ELOVL6: variants seen among roughly 807,000 people sequenced by gnomAD.
ELOVL6 encodes very long chain fatty acid elongase 6.
ELOVL6 carries 8 observed loss-of-function variants against 31.7 expected under a neutral mutation model. The ratio of observed to expected loss-of-function variants is 0.25; its 90% CI spans 0.15 to 0.45. The LOEUF is 0.45. Among genes scored for constraint, ELOVL6 ranks in the 20% least tolerant of loss-of-function variants. The probability of loss-of-function intolerance (pLI) is 1.00; values close to 1 mark genes in which losing one functional copy is unlikely to be tolerated. For missense variants in ELOVL6, 126 were observed against 326.4 expected (o/e 0.39, Z 4.73); for synonymous variants, 101 against 117.7 (o/e 0.86, Z 0.92).
At chr4:110,133,383 A>C (rs1178875257) in intron 1 of ELOVL6, among the ~76,000 whole-genome samples, 1 of 152,218 alleles carries the variant, frequency 6.6e-6, no homozygotes, top group Non-Finnish European at 1.5e-5. Flanking sequence ...GGACAGCCTC[A>C]TCCTACTGTG....
chr4:110,109,685 A>T (rs959698334), intron 1 of ELOVL6, among the ~76,000 whole-genome samples: 1 of 152,216 alleles, frequency 6.6e-6, no homozygotes, highest in African/African-American at 2.4e-5. Flanking sequence ...ATGTTTTTTT[A>T]AACTCGTGGG....
chr4:110,167,685 GTAT>G (rs1758818418), intron 1 of ELOVL6, among the ~76,000 whole-genome samples: 2 of 151,344 alleles, frequency 1.3e-5, no homozygotes, highest in African/African-American at 2.4e-5. Flanking sequence ...ATGTATGTAT[GTAT>G]GTATGTATGT....
At chr4:110,129,076 TAGC>T (rs1175207938) in intron 1 of ELOVL6, among the ~76,000 whole-genome samples, 1 of 152,248 alleles carries the variant, frequency 6.6e-6, no homozygotes, top group African/African-American at 2.4e-5. Context: ...TTGCTTTATG[TAGC>T]AGATTTAGTC....
chr4:110,084,586 A>ATTTTTTTTT (rs1756183730), intron 2 of ELOVL6, among the ~76,000 whole-genome samples: 1 of 39,582 alleles, frequency 2.5e-5, no homozygotes, highest in African/African-American at 1.7e-4. Context: ...ATATATATAT[A>ATTTTTTTTT]TATTTTTTTT....
intron 2 of ELOVL6, among the ~76,000 whole-genome samples, chr4:110,094,389 T>C (rs1247174638): frequency 8.9e-6 from 1 of 112,468 alleles, no homozygotes; most frequent in Non-Finnish European, 1.8e-5. Context: ...TCTGTTTCTA[T>C]TTTACTTAAA....
chr4:110,056,389 T>C (rs930371638), intron 3 of ELOVL6, among the ~76,000 whole-genome samples: 1 of 152,124 alleles, frequency 6.6e-6, no homozygotes, highest in Non-Finnish European at 1.5e-5. Flanking sequence ...CAGGCAAACA[T>C]GTTGACTACA....
intron 1 of ELOVL6, among the ~76,000 whole-genome samples, chr4:110,144,412 A>G (rs1758049827): frequency 6.6e-6 from 1 of 152,240 alleles, no homozygotes. Context: ...ACATAATGTA[A>G]TACTATGCTG....
At chr4:110,076,653 T>G (rs1378564866) in intron 2 of ELOVL6, among the ~76,000 whole-genome samples, 1 of 152,144 alleles carries the variant, frequency 6.6e-6, no homozygotes, top group Non-Finnish European at 1.5e-5. Context: ...CAGCTCCCAG[T>G]GTGAGCAATG....
At chr4:110,090,906 A>G (rs990268339) in intron 2 of ELOVL6, among the ~76,000 whole-genome samples, 1 of 152,122 alleles carries the variant, frequency 6.6e-6, no homozygotes, top group African/African-American at 2.4e-5. Flanking sequence ...CCTGGCCGAG[A>G]GTTTGACTTT....
chr4:110,067,076 A>T (rs1246637173), intron 2 of ELOVL6, among the ~76,000 whole-genome samples: 1 of 152,192 alleles, frequency 6.6e-6, no homozygotes, highest in East Asian at 1.9e-4. Context: ...TAATAAGCCA[A>T]AGTGTAGATT....
intron 2 of ELOVL6, among the ~76,000 whole-genome samples, chr4:110,074,155 A>G (rs1755567011): frequency 6.6e-6 from 1 of 152,198 alleles, no homozygotes; most frequent in African/African-American, 2.4e-5. Context: ...CAGGATACCA[A>G]AATCTGAGGA....
Position 110,196,767 on chromosome 4 carries a change from G to T in ELOVL6, c.89+1480C>A, listed in dbSNP as rs369420878. Among the ~76,000 whole-genome samples the T allele has an allele frequency of 4.5e-4, 68 of 152,064 alleles. No individual in the cohort carries two copies. In the East Asian group the frequency reaches 0.012, roughly 28 times the overall value. On this transcript the variant is annotated intron_variant, in intron 1 of 3. Coordinates refer to ENST00000302274, the MANE Select transcript of ELOVL6 (RefSeq NM_024090.3). ...CCACGCCGCAGCTCACCCCAAGCAGGCCTGCCCCGCCGGTGCGCGCGGCCC... is the reference window on the plus strand; with the variant it reads ...CCACGCCGCAGCTCACCCCAAGCAGTCCTGCCCCGCCGGTGCGCGCGGCCC...
rs73841817 is a variant in ELOVL6, at chr4:110,138,057, G to A, written c.90-32429C>T. Among the ~76,000 whole-genome samples the A allele has an allele frequency of 2.4e-3, 368 of 152,324 alleles. 2 individuals carry two copies. Among genetic ancestry groups the A allele is most frequent in the African/African-American group, 8.0e-3 (332 of 41,572 alleles). On this transcript the variant is annotated intron_variant, in intron 1 of 3. Transcript: ENST00000302274. ...CACAGCTTCTGCTAAAGTCATTACA[G>A]AAATGCATAGAGCAGTTCTTCCACG...
At position 110,144,670 on chromosome 4, in the gene ELOVL6, C is replaced by A. The variant is rs568653723; in HGVS notation, c.90-39042G>T. ...ACGGCATCATAAGCCATAATGGATG[C>A]AGTTAGTGTCTCCTCCTTGGGTGCT... is the stretch of plus-strand genomic sequence containing the variant. On this transcript the variant is annotated intron_variant, in intron 1 of 3. Transcript: ENST00000302274. 3.9e-5 allele frequency among the ~76,000 whole-genome samples: 6 copies of A among 152,200 alleles called. No homozygotes were observed. In the East Asian group the frequency reaches 1.2e-3, roughly 29 times the overall value.
At chr4:110,071,267 A>T (rs554770630) in intron 2 of ELOVL6, among the ~76,000 whole-genome samples, 77 of 152,282 alleles carry the variant, frequency 5.1e-4, no homozygotes, top group Non-Finnish European at 9.0e-4. Context: ...TCTTTTTTCC[A>T]AAGATGTTCA....
chr4:110,077,101 C>A (rs62325302), intron 2 of ELOVL6, among the ~76,000 whole-genome samples: 32,992 of 152,116 alleles, frequency 0.22, 3,821 homozygotes, highest in Non-Finnish European at 0.26. Flanking sequence ...GAAGCTCGAA[C>A]TGGGTGGAGC....
chr4:110,052,463 C>T (rs1356958234), intron 3 of ELOVL6, among the ~76,000 whole-genome samples: 1 of 152,134 alleles, frequency 6.6e-6, no homozygotes, highest in African/African-American at 2.4e-5. Flanking sequence ...TATTTTATAC[C>T]AGTGAATCAA....
intron 3 of ELOVL6, among the ~76,000 whole-genome samples, chr4:110,056,279 G>A (rs1438476184): frequency 6.6e-6 from 1 of 151,974 alleles, no homozygotes; most frequent in Non-Finnish European, 1.5e-5. Context: ...TAATCCAAAC[G>A]GGTAAATCTC....
intron 1 of ELOVL6, among the ~76,000 whole-genome samples, chr4:110,192,193 A>G (rs1445759699): frequency 3.1e-5 from 2 of 63,910 alleles, no homozygotes; most frequent in Non-Finnish European, 7.7e-5. Flanking sequence ...TCCATCCAAG[A>G]AAAAAAAAAA....
Sources: allele counts gnomAD v4.1 joint callset (sites outside exome capture counted in the v4.1 genomes callset), GRCh38; gene constraint gnomAD v4.1.1; transcripts MANE v1.5; gene names NCBI Gene and HGNC (gene_info 2026-07-23, HGNC 2026-07-21).